Variants in SCUBE1 observed in about 807,000 individuals in gnomAD.
SCUBE1 encodes the protein signal peptide, CUB domain and EGF like domain containing 1, also known as signal peptide, CUB and EGF-like domain-containing protein 1.
A neutral mutation model predicts 124.4 loss-of-function variants in SCUBE1; 59 were observed. The ratio of observed to expected loss-of-function variants is 0.47; its 90% CI spans 0.38 to 0.59. The LOEUF is 0.59. Among genes scored for constraint, SCUBE1 ranks in the 20% least tolerant of loss-of-function variants. SCUBE1 has a pLI of 0.00. For synonymous variants in SCUBE1, 545 were observed against 550.9 expected, an observed-to-expected ratio of 0.99 and a Z score of 0.15; for missense variants, 1,150 against 1,371.2, an observed-to-expected ratio of 0.84 and a Z score of 2.55.
chr22:43,236,915 ACACC>A (rs1569503704), intron 7 of SCUBE1, among the ~76,000 whole-genome samples: 1 of 152,186 alleles, frequency 6.6e-6, no homozygotes, highest in Non-Finnish European at 1.5e-5. Context: ...CCCAGAAAAC[ACACC>A]TGTTCCGTGA....
rs1372787723 is a variant in SCUBE1 at position 43,342,937 on chromosome 22, C to T, written c.88+237G>A. On this transcript the variant is annotated intron_variant, in intron 1 of 21. Transcript: ENST00000360835. ...GCTCCCGCGCTCGCGCTTCCCCTCC[C>T]GGGGCCCCGGCCCACCCACCCCTGG... is the stretch of plus-strand genomic sequence containing the variant. 9.9e-5 allele frequency among the ~76,000 whole-genome samples: 15 copies of T among 151,732 alleles called. 1 individual carries two copies. The highest frequency in any genetic ancestry group is 2.1e-4 in the Non-Finnish European group (14 of 67,842).
At chr22:43,328,850 C>T (rs1046809454) in intron 2 of SCUBE1, among the ~76,000 whole-genome samples, 1 of 152,222 alleles carries the variant, frequency 6.6e-6, no homozygotes, top group Admixed American at 6.5e-5. Flanking sequence ...ATCCTCCCTA[C>T]AGCCAGGCAG....
intron 4 of SCUBE1, among the ~76,000 whole-genome samples, chr22:43,277,098 C>A (rs1025177135): frequency 1.3e-5 from 2 of 151,848 alleles, no homozygotes; most frequent in African/African-American, 2.4e-5. Flanking sequence ...GGCAGGGATG[C>A]GTAGGTTCCA....
At chr22:43,309,805 C>CT (rs1926107123) in intron 3 of SCUBE1, among the ~76,000 whole-genome samples, 1 of 152,052 alleles carries the variant, frequency 6.6e-6, no homozygotes, top group African/African-American at 2.4e-5. Flanking sequence ...AGTTTTGACT[C>CT]TCTTCTCCCT....
At chr22:43,281,483 T>TTGGCCACC (rs1924866357) in intron 4 of SCUBE1, among the ~76,000 whole-genome samples, 3 of 58,876 alleles carry the variant, frequency 5.1e-5, no homozygotes, top group African/African-American at 1.4e-4. Context: ...GTCACCTCCC[T>TTGGCCACC]CTTTGGCCAC....
At chr22:43,293,618 C>T (rs1021797680) in intron 3 of SCUBE1, among the ~76,000 whole-genome samples, 18 of 152,202 alleles carry the variant, frequency 1.2e-4, no homozygotes, top group East Asian at 3.9e-4. Context: ...CATCTCTGGG[C>T]CTATAAGACC....
intron 3 of SCUBE1, among the ~76,000 whole-genome samples, chr22:43,312,703 C>T (rs1047314550): frequency 2.0e-5 from 3 of 152,184 alleles, no homozygotes; most frequent in Admixed American, 2.0e-4. Flanking sequence ...GGTGGAGGCG[C>T]CCTTGGTATG....
chr22:43,245,600 GCCCCAACGCCCATGAT>G (rs982268936), intron 6 of SCUBE1, among the ~76,000 whole-genome samples: 8 of 152,186 alleles, frequency 5.3e-5, no homozygotes, highest in Non-Finnish European at 8.8e-5. Flanking sequence ...AGGCTGCGGG[GCCCCAACGCCCATGAT>G]CCCCAAGGGC....
chr22:43,205,955 ACC>A (rs2146648324), intron 21 of SCUBE1, among the ~76,000 whole-genome samples: 1 of 68,056 alleles, frequency 1.5e-5, no homozygotes, highest in Non-Finnish European at 2.8e-5. Context: ...ACACCCACTC[ACC>A]ACACTCACCC....
chr22:43,343,308 AC>A lies in SCUBE1; in HGVS notation c.-48del. On this transcript the variant is annotated 5_prime_UTR_variant, in exon 1 of 22. Coordinates refer to ENST00000360835, the MANE Select transcript of SCUBE1 (RefSeq NM_173050.5). ...GCGTGCGGGCGTGCGGGGCGCGGGG[AC>A]CCGACCGACCGGCCGCTCCCGCAGG... 1.1e-6 allele frequency: 1 copy of A among 931,544 alleles called. No homozygotes were observed. Among genetic ancestry groups the A allele is most frequent in the Non-Finnish European group, 1.3e-6 (1 of 763,320 alleles). 57.7% of individuals were successfully genotyped at this position (931,544 alleles called of 1,614,324 possible).
chr22:43,269,717 G>A (rs1259576239), intron 4 of SCUBE1, among the ~76,000 whole-genome samples: 3 of 152,276 alleles, frequency 2.0e-5, no homozygotes, highest in East Asian at 1.9e-4. Flanking sequence ...CTGGAGCCTT[G>A]GGGGTGGCAG....
chr22:43,227,335 G>T, intron 10 of SCUBE1, 39 bp downstream of exon 10: 2 of 1,591,214 alleles, frequency 1.3e-6, no homozygotes. Context: ...CCAAGCCCAG[G>T]TGCAGGGGAG....
intron 15 of SCUBE1, among the ~76,000 whole-genome samples, chr22:43,214,546 C>G (rs1921725310): frequency 6.6e-6 from 1 of 152,224 alleles, no homozygotes; most frequent in Non-Finnish European, 1.5e-5. Flanking sequence ...CCCCATACGT[C>G]TGTCCTCTGT....
chr22:43,320,671 C>T (rs538333810), intron 2 of SCUBE1, among the ~76,000 whole-genome samples: 5 of 152,322 alleles, frequency 3.3e-5, no homozygotes, highest in South Asian at 2.1e-4. Flanking sequence ...GCTGCTTCCA[C>T]GCCCAAGTCC....
At chr22:43,292,556 A>AACACAC (rs3985926) in intron 3 of SCUBE1, among the ~76,000 whole-genome samples, 56,505 of 139,314 alleles carry the variant, frequency 0.41, 12,279 homozygotes, top group Non-Finnish European at 0.48. Flanking sequence ...CCCGGTCCCT[A>AACACAC]ACACACACAC....
intron 3 of SCUBE1, among the ~76,000 whole-genome samples, chr22:43,303,122 T>G (rs1216224180): frequency 6.6e-6 from 1 of 152,230 alleles, no homozygotes; most frequent in Non-Finnish European, 1.5e-5. Flanking sequence ...CCGTCGGAAT[T>G]CTAACCTTCA....
At chr22:43,288,967 A>G (rs1006787431) in intron 4 of SCUBE1, among the ~76,000 whole-genome samples, 1 of 152,246 alleles carries the variant, frequency 6.6e-6, no homozygotes, top group Non-Finnish European at 1.5e-5. Context: ...TCAGCACAGC[A>G]GATGCTTACA....
At chr22:43,297,465 C>T (rs1925605598) in intron 3 of SCUBE1, among the ~76,000 whole-genome samples, 1 of 152,252 alleles carries the variant, frequency 6.6e-6, no homozygotes, top group Admixed American at 6.5e-5. Flanking sequence ...TCAGCTGTGA[C>T]TCTTGCCCAT....
intron 3 of SCUBE1, among the ~76,000 whole-genome samples, chr22:43,291,916 A>G (rs906719440): frequency 6.6e-5 from 10 of 152,140 alleles, no homozygotes; most frequent in Non-Finnish European, 1.0e-4. Flanking sequence ...AGTCCTACGT[A>G]TGGTAAGTGG....
Sources: allele counts gnomAD v4.1 joint callset (sites outside exome capture counted in the v4.1 genomes callset), GRCh38; gene constraint gnomAD v4.1.1; transcripts MANE v1.5; gene names NCBI Gene and HGNC (gene_info 2026-07-23, HGNC 2026-07-21).